Variants in POM121C observed in about 807,000 individuals in gnomAD.
POM121C encodes nuclear envelope pore membrane protein POM 121C.
In POM121C, 20 loss-of-function variants were observed where a neutral mutation model predicts 66.4. The observed-to-expected ratio is 0.30, with a 90% CI of 0.21 to 0.44. POM121C has a LOEUF of 0.44. Among genes scored for constraint, POM121C ranks in the 20% least tolerant of loss-of-function variants. The pLI is 1.00. For synonymous variants in POM121C, 286 were observed against 528.0 expected (o/e 0.54, Z 6.28); for missense variants, 580 against 1,225.7 (o/e 0.47, Z 7.87).
chr7:75,444,275 G>A (rs1339896963), intron 3 of POM121C, among the ~76,000 whole-genome samples: 1 of 130,620 alleles, frequency 7.7e-6, no homozygotes, highest in South Asian at 2.9e-4. Context: ...GGGGGCGGAG[G>A]GGGGACTGTG....
In POM121C at chr7:75,424,901, G is replaced by A. The variant is rs1461459658; in HGVS notation, c.768+173C>T. 2.4e-5 allele frequency: 34 copies of A among 1,420,362 alleles called. No individual in the cohort carries two copies. The East Asian group carries it at 6.5e-4, about 27-fold the overall frequency. The allele number at this position is 1,420,362 out of a possible 1,614,324, so 88.0% of individuals were successfully genotyped here. A position where few individuals can be genotyped will look rare whatever the true frequency, so the allele number is the denominator to read the frequency against. ...CTTGAACTCAGGAGGCAGAGGTTAC[G>A]GTTAGCCAAAATCGAGCCACTGAAC... is the stretch of plus-strand genomic sequence containing the variant. On this transcript the variant is annotated intron_variant, in intron 10 of 14. Coordinates refer to ENST00000615331, the MANE Select transcript of POM121C (RefSeq NM_001099415.3).
chr7:75,479,627 A>ATAAC (rs1792234599), intron 1 of POM121C, among the ~76,000 whole-genome samples: 1 of 146,430 alleles, frequency 6.8e-6, no homozygotes, highest in Non-Finnish European at 1.5e-5. Context: ...AAATAAATAA[A>ATAAC]TAAATAAATA....
At chr7:75,469,864 T>G (rs13232776) in intron 3 of POM121C, among the ~76,000 whole-genome samples, 1 of 152,166 alleles carries the variant, frequency 6.6e-6, no homozygotes. Context: ...TATCAGTGAG[T>G]CCTTTCTCAA....
chr7:75,465,938 C>T (rs1309795184), intron 3 of POM121C, among the ~76,000 whole-genome samples: 46 of 124,270 alleles, frequency 3.7e-4, no homozygotes, highest in African/African-American at 1.2e-3. Context: ...GTGTGACTTT[C>T]GCCTCAATTA....
intron 7 of POM121C, among the ~76,000 whole-genome samples, chr7:75,430,893 G>A (rs1790144371): frequency 6.6e-6 from 1 of 151,860 alleles, no homozygotes; most frequent in Non-Finnish European, 1.5e-5. Flanking sequence ...TGGCTAACAT[G>A]GTGAAACCCT....
At chr7:75,483,989 C>A (rs1440814688) in intron 1 of POM121C, among the ~76,000 whole-genome samples, 2 of 152,052 alleles carry the variant, frequency 1.3e-5, no homozygotes, top group African/African-American at 4.8e-5. Flanking sequence ...GTAATCCCTG[C>A]TACTCAGGAG....
chr7:75,453,865 C>G (rs1554476011), intron 3 of POM121C, among the ~76,000 whole-genome samples: 1 of 152,108 alleles, frequency 6.6e-6, no homozygotes, highest in Non-Finnish European at 1.5e-5. Flanking sequence ...TACTGGCTGT[C>G]AGCCAGGACT....
intron 3 of POM121C, 133 bp downstream of exon 3, chr7:75,474,571 G>A (rs1267578978): frequency 2.2e-6 from 1 of 457,838 alleles, no homozygotes; most frequent in African/African-American, 2.0e-5. Context: ...TCATGTATGT[G>A]TGCGGGAAGG....
chr7:75,485,102 C>T (rs370012391), intron 1 of POM121C, among the ~76,000 whole-genome samples: 33 of 152,204 alleles, frequency 2.2e-4, no homozygotes, highest in African/African-American at 7.0e-4. Flanking sequence ...GCCCTAGCCC[C>T]GCAAAATGCT....
chr7:75,462,370 T>C (rs1791474739), intron 3 of POM121C, among the ~76,000 whole-genome samples: 1 of 151,912 alleles, frequency 6.6e-6, no homozygotes, highest in African/African-American at 2.4e-5. Flanking sequence ...TTAAACCTCC[T>C]TTCTTTATAA....
At chr7:75,444,268 G>GTT (rs1790762712) in intron 3 of POM121C, among the ~76,000 whole-genome samples, 1 of 94,728 alleles carries the variant, frequency 1.1e-5, no homozygotes, top group African/African-American at 3.3e-5. Context: ...GGGGGGGGGG[G>GTT]GCGGAGGGGG....
intron 3 of POM121C, among the ~76,000 whole-genome samples, chr7:75,466,329 G>A (rs868909224): frequency 6.6e-6 from 1 of 151,880 alleles, no homozygotes; most frequent in Middle Eastern, 3.4e-3. Context: ...GAGCAGGCTG[G>A]GAGGGGTGGC....
In POM121C at chr7:75,418,578, G is replaced by T; in HGVS notation, c.*218C>A. ...GTGGAACTGTTCAAGTAGAGGTCCC[G>T]GGCTTTGGCCCTCCGCATCCTGCTT... On this transcript the variant is annotated 3_prime_UTR_variant, in exon 15 of 15. Coordinates refer to ENST00000615331, the MANE Select transcript of POM121C (RefSeq NM_001099415.3). The T allele has an allele frequency of 7.4e-7, 1 of 1,345,484 alleles. No homozygotes were observed. Among genetic ancestry groups the T allele is most frequent in the South Asian group, 1.7e-5 (1 of 58,668 alleles). The allele number at this position is 1,345,484 out of a possible 1,614,324, so 83.3% of individuals were successfully genotyped here. A position where few individuals can be genotyped will look rare whatever the true frequency, so the allele number is the denominator to read the frequency against.
chr7:75,479,388 G>T (rs1483082031), intron 1 of POM121C, among the ~76,000 whole-genome samples: 1 of 152,128 alleles, frequency 6.6e-6, no homozygotes, highest in Non-Finnish European at 1.5e-5. Flanking sequence ...GGCTGAGGCA[G>T]ATGGGTGACC....
chr7:75,416,930 T>C lies in POM121C; in HGVS notation c.*1866A>G, dbSNP rs1789487155. Reference sequence around the variant, plus strand: ...CAGCCTCCCGCTGCCGTCCAGTGTGTGTACTGTACACATCCACACTCACTC... The same window carrying C: ...CAGCCTCCCGCTGCCGTCCAGTGTGCGTACTGTACACATCCACACTCACTC... On this transcript the variant is annotated 3_prime_UTR_variant, in exon 15 of 15. Coordinates refer to ENST00000615331, the MANE Select transcript of POM121C (RefSeq NM_001099415.3). 4.2e-6 allele frequency: 6 copies of C among 1,422,826 alleles called. No individual in the cohort carries two copies. The highest frequency in any genetic ancestry group is 5.1e-4 in the Middle Eastern group (2 of 3,926). The allele number at this position is 1,422,826 out of a possible 1,614,324, so 88.1% of individuals were successfully genotyped here. A position where few individuals can be genotyped will look rare whatever the true frequency, so the allele number is the denominator to read the frequency against.
At chr7:75,437,718 T>C (rs782733628) in intron 6 of POM121C, 32 bp from the exon 7 acceptor site, 35 of 1,549,282 alleles carry the variant, frequency 2.3e-5, no homozygotes, top group South Asian at 1.3e-4. Flanking sequence ...AGATGCTTTA[T>C]TGAAGGCAAC....
intron 3 of POM121C, among the ~76,000 whole-genome samples, chr7:75,466,588 G>C (rs1791657878): frequency 6.6e-6 from 1 of 150,898 alleles, no homozygotes; most frequent in South Asian, 2.1e-4. Context: ...CTGGGTGACA[G>C]AGCAAGACTC....
At chr7:75,474,667 T>C in intron 3 of POM121C, 37 bp downstream of exon 3, 1 of 1,075,344 alleles carries the variant, frequency 9.3e-7, no homozygotes. Flanking sequence ...AGGTCTGGGA[T>C]GAGCATTTTT....
At chr7:75,465,752 CAAA>C (rs1172095677) in intron 3 of POM121C, among the ~76,000 whole-genome samples, 5 of 84,232 alleles carry the variant, frequency 5.9e-5, no homozygotes, top group Non-Finnish European at 4.9e-5. Context: ...GACTCCATCT[CAAA>C]AAAAAAAAAA....
Sources: gnomAD v4.1 joint callset for allele counts (sites outside exome capture counted in the v4.1 genomes callset) on GRCh38, gnomAD v4.1.1 for gene constraint, MANE v1.5 for transcripts, NCBI Gene and HGNC (gene_info 2026-07-23, HGNC 2026-07-21) for gene names.